The following HEYL variants were observed in gnomAD, a reference collection of about 807,000 sequenced individuals.
The protein encoded by HEYL is hairy/enhancer-of-split related with YRPW motif-like protein.
A neutral mutation model predicts 18.6 loss-of-function variants in HEYL; 12 were observed. That is an observed-to-expected ratio of 0.65 (90% confidence interval 0.41 to 1.05). The LOEUF (loss-of-function observed/expected upper bound fraction) is 1.05, where lower values mean the gene tolerates loss of function less well. Ranked by LOEUF, HEYL falls within the 50% of genes least tolerant of loss-of-function variation. The pLI, the probability that HEYL is intolerant of heterozygous loss-of-function variation, is 0.00. For missense variants in HEYL, 420 were observed against 444.7 expected (o/e 0.94, Z 0.50); for synonymous variants, 159 against 179.6 (o/e 0.89, Z 0.91).
intron 4 of HEYL, 73 bp downstream of exon 4, chr1:39,630,154 C>T: frequency 7.5e-7 from 1 of 1,335,626 alleles, no homozygotes; most frequent in East Asian, 2.3e-5. Flanking sequence ...CTTTGCTCAC[C>T]AGCATATCCC....
chr1:39,630,935 G>A (rs1433821493), intron 3 of HEYL, among the ~76,000 whole-genome samples: 1 of 152,210 alleles, frequency 6.6e-6, no homozygotes, highest in Admixed American at 6.5e-5. Context: ...TCTGTGGGAT[G>A]ACTGACTTGT....
In HEYL at chr1:39,632,653, C is replaced by G. The variant is rs574593348; in HGVS notation, c.143G>C (p.Arg48Thr). The G allele has an allele frequency of 2.5e-6, 4 of 1,613,710 alleles. No individual in the cohort carries two copies. The Admixed American group carries it at 5.0e-5, about 20-fold the overall frequency. Residue 48 changes from arginine to threonine, a missense_variant, in exon 2 of 5, where the codon AGA becomes ACA. Arg to Thr is a moderately conservative substitution (Grantham distance 71). Coordinates refer to ENST00000372852, the MANE Select transcript of HEYL (RefSeq NM_014571.4). The stretch of plus-strand genomic sequence containing the variant: ...GAGGCTGAGACGGACACTCACCCCT[C>G]TGTGTTTCTTCCTGGCTTGCATCTG... ...SSQMQARKKH[R>T]GIIEKRRRDR...
rs994184708 is a variant in HEYL at position 39,626,106 on chromosome 1, G to A, written c.*401C>T. 5.8e-6 allele frequency: 1 copy of A among 173,450 alleles called. No homozygotes were observed. The highest frequency in any genetic ancestry group is 2.4e-5 in the African/African-American group (1 of 42,374). The allele number at this position is 173,450 out of a possible 1,614,324, so 10.7% of individuals were successfully genotyped here. On this transcript the variant is annotated 3_prime_UTR_variant, in exon 5 of 5. Transcript: ENST00000372852. Reference sequence around the variant, plus strand: ...AGCCAGTCAGTCATTGCTCCTGACTGGGGTCTGACCGCCCCAAGGAACAGC... The same window carrying A: ...AGCCAGTCAGTCATTGCTCCTGACTAGGGTCTGACCGCCCCAAGGAACAGC...
rs376207364 is a variant in HEYL at position 39,630,238 on chromosome 1, G to A, written c.302C>T (p.Thr101Ile). The change falls in exon 4 of 5, where the codon ACT becomes ATT. Residue 101 changes from threonine (T) to isoleucine (I), a missense_variant. By Grantham distance (89) the Thr-to-Ile change is moderately conservative. Coordinates refer to ENST00000372852, the MANE Select transcript of HEYL (RefSeq NM_014571.4). ...TVDHLKMLHATGGTGFFDARA... is the reference protein window; with the variant it reads ...TVDHLKMLHAIGGTGFFDARA... Reference sequence around the variant, plus strand: ...AAGAGCATGGGTACCTGTCCCACCAGTGGCATGGAGCATTTTCAAGTGATC... The same window carrying A: ...AAGAGCATGGGTACCTGTCCCACCAATGGCATGGAGCATTTTCAAGTGATC... 18 of 1,613,792 alleles carry A rather than the reference G, an allele frequency of 1.1e-5. No homozygotes were observed. Among genetic ancestry groups the A allele is most frequent in the African/African-American group, 1.1e-4 (8 of 74,922 alleles).
chr1:39,636,400 G>C (rs1017233269), intron 1 of HEYL, among the ~76,000 whole-genome samples: 1 of 152,042 alleles, frequency 6.6e-6, no homozygotes, highest in Admixed American at 6.6e-5. Flanking sequence ...CCAAGTAACT[G>C]GGACTACAGG....
chr1:39,636,092 C>T (rs745458882), intron 1 of HEYL, among the ~76,000 whole-genome samples: 2 of 152,162 alleles, frequency 1.3e-5, no homozygotes, highest in African/African-American at 2.4e-5. Context: ...TGACCCTAAT[C>T]ATTTTGTGTC....
At position 39,626,257 on chromosome 1, in the gene HEYL, C is replaced by G. The variant is rs1646296179; in HGVS notation, c.*250G>C. 2 of 491,936 alleles carry G rather than the reference C, an allele frequency of 4.1e-6. No individual in the cohort carries two copies. The highest frequency in any genetic ancestry group is 6.9e-5 in the South Asian group (2 of 28,862). The allele number at this position is 491,936 out of a possible 1,614,324, so 30.5% of individuals were successfully genotyped here. ...ATCTCTGAGGGTCTCTCCCAGGACTCATCTGTTCAGGTGAGAAATGGAACC... is the reference window on the plus strand; with the variant it reads ...ATCTCTGAGGGTCTCTCCCAGGACTGATCTGTTCAGGTGAGAAATGGAACC... On this transcript the variant is annotated 3_prime_UTR_variant, in exon 5 of 5. Transcript: ENST00000372852.
At chr1:39,630,466 T>C (rs1646326896) in intron 3 of HEYL, among the ~76,000 whole-genome samples, 158 bp from the exon 4 acceptor site, 1 of 152,194 alleles carries the variant, frequency 6.6e-6, no homozygotes, top group Non-Finnish European at 1.5e-5. Flanking sequence ...ATCTAGAACA[T>C]TCTTTTCAGT....
chr1:39,632,995 T>G, intron 1 of HEYL: 2 of 976,440 alleles, frequency 2.0e-6, no homozygotes, highest in African/African-American at 3.5e-5. Flanking sequence ...CGCGGCGCGG[T>G]GGCTCCGGCT....
At chr1:39,637,471 G>A (rs1557739441) in intron 1 of HEYL, among the ~76,000 whole-genome samples, 2 of 152,204 alleles carry the variant, frequency 1.3e-5, no homozygotes, top group African/African-American at 2.4e-5. Flanking sequence ...GAGGGCAGAG[G>A]CTGAGCAGGA....
intron 4 of HEYL, among the ~76,000 whole-genome samples, chr1:39,627,912 C>G (rs1038025959): frequency 6.6e-6 from 1 of 152,202 alleles, no homozygotes; most frequent in African/African-American, 2.4e-5. Context: ...TCCCTTGGCT[C>G]AAAAGGCAAT....
At chr1:39,633,346 T>C (rs1046249778) in intron 1 of HEYL, 21 of 152,724 alleles carry the variant, frequency 1.4e-4, no homozygotes, top group Non-Finnish European at 1.5e-5. Flanking sequence ...TGCGCCCCGG[T>C]TGAATGATGG....
chr1:39,623,540 T>A lies in HEYL; in HGVS notation c.*2967A>T, dbSNP rs565382100. Among the ~76,000 whole-genome samples, 1 of 152,378 alleles carries A rather than the reference T, an allele frequency of 6.6e-6. No homozygotes were observed. The highest frequency in any genetic ancestry group is 2.1e-4 in the South Asian group (1 of 4,832). ...GAACCAGGCATGGCACCTGGCCTCA[T>A]GAGCTTACACTCGAGTGGGAGGCAC... On this transcript the variant is annotated 3_prime_UTR_variant, in exon 5 of 5. Transcript: ENST00000372852.
rs1424060255 is a variant in HEYL at position 39,623,667 on chromosome 1, T to C, written c.*2840A>G. On this transcript the variant is annotated 3_prime_UTR_variant, in exon 5 of 5. Coordinates refer to ENST00000372852, the MANE Select transcript of HEYL (RefSeq NM_014571.4). The stretch of plus-strand genomic sequence containing the variant: ...TGATAGAGGAACTCCACAAGTAAAG[T>C]AGTCGAGGAAGGCCTCTTGGACGAG... 1.3e-5 allele frequency among the ~76,000 whole-genome samples: 2 copies of C among 152,084 alleles called. No individual in the cohort carries two copies. The highest frequency in any genetic ancestry group is 2.9e-5 in the Non-Finnish European group (2 of 68,022).
chr1:39,630,219 A>G lies in HEYL; in HGVS notation c.313+8T>C. The G allele has an allele frequency of 6.2e-7, 1 of 1,611,972 alleles. No homozygotes were observed. Among genetic ancestry groups the G allele is most frequent in the Non-Finnish European group, 8.5e-7 (1 of 1,178,054 alleles). ...TGAATGACGCCTGAAAGAGAAGAGCATGGGTACCTGTCCCACCAGTGGCAT... is the reference window on the plus strand; with the variant it reads ...TGAATGACGCCTGAAAGAGAAGAGCGTGGGTACCTGTCCCACCAGTGGCAT... On this transcript the variant is annotated splice_region_variant and intron_variant, in intron 4 of 4. Coordinates refer to ENST00000372852, the MANE Select transcript of HEYL (RefSeq NM_014571.4).
rs1170446 is a variant in HEYL, at chr1:39,631,460, A to C, written c.231+36T>G. On this transcript the variant is annotated intron_variant, in intron 3 of 4. Coordinates refer to ENST00000372852, the MANE Select transcript of HEYL (RefSeq NM_014571.4). Reference sequence around the variant, plus strand: ...AACGAACCTTATCTGCCACCCACACAGTATTTCCTCTAGCACAATCAGCAA... The same window carrying C: ...AACGAACCTTATCTGCCACCCACACCGTATTTCCTCTAGCACAATCAGCAA... 1.2e-3 allele frequency: 1,959 copies of C among 1,579,700 alleles called. 20 individuals carry two copies. In the African/African-American group the frequency reaches 0.018, roughly 15 times the overall value.
At chr1:39,631,445 A>T (rs1570441469) in intron 3 of HEYL, 51 bp downstream of exon 3, 1 of 1,520,384 alleles carries the variant, frequency 6.6e-7, no homozygotes, top group African/African-American at 1.4e-5. Context: ...AACGAACCTT[A>T]TCTGCCACCC....
chr1:39,636,844 G>A (rs1298549114), intron 1 of HEYL, among the ~76,000 whole-genome samples: 2 of 152,182 alleles, frequency 1.3e-5, no homozygotes, highest in Non-Finnish European at 2.9e-5. Flanking sequence ...AGACCATGCT[G>A]TCTCATAAAT....
chr1:39,636,558 G>A (rs1646363223), intron 1 of HEYL, among the ~76,000 whole-genome samples: 1 of 152,106 alleles, frequency 6.6e-6, no homozygotes, highest in Admixed American at 6.5e-5. Context: ...GAGCCACCGT[G>A]CCCGGCCTCT....
Sources: gnomAD v4.1 joint callset for allele counts (sites outside exome capture counted in the v4.1 genomes callset) on GRCh38, gnomAD v4.1.1 for gene constraint, MANE v1.5 for transcripts, NCBI Gene and HGNC (gene_info 2026-07-23, HGNC 2026-07-21) for gene names.